CEP128: variants seen among roughly 807,000 people sequenced by gnomAD.
CEP128 encodes the protein centrosomal protein 128kDa.
CEP128 carries 132 observed loss-of-function variants against 156.7 expected under a neutral mutation model. The observed-to-expected ratio is 0.84, with a 90% confidence interval of 0.73 to 0.97. The LOEUF is 0.97. Ranked by LOEUF, CEP128 falls within the 50% of genes least tolerant of loss-of-function variation. The probability of loss-of-function intolerance (pLI) is 0.00; values close to 1 mark genes in which losing one functional copy is unlikely to be tolerated. For synonymous variants in CEP128, 469 were observed against 448.9 expected (o/e 1.04, Z -0.57); for missense variants, 1,252 against 1,281.9 (o/e 0.98, Z 0.36).
intron 2 of CEP128, among the ~76,000 whole-genome samples, chr14:80,934,730 G>C (rs907414780): frequency 5.3e-5 from 8 of 152,104 alleles, no homozygotes; most frequent in Non-Finnish European, 1.0e-4. Flanking sequence ...AGAAAAGCCT[G>C]GATTCAAACC....
In CEP128 at chr14:80,804,515, T is replaced by C. The variant is rs535207871; in HGVS notation, c.1210-11405A>G. ...TAATACTGACCCTATGAACAAAAAT[T>C]AAACTAATCCCTGTCCAAAATATGA... On this transcript the variant is annotated intron_variant, in intron 13 of 24. Coordinates refer to ENST00000555265, the MANE Select transcript of CEP128 (RefSeq NM_152446.5). Among the ~76,000 whole-genome samples, 5 of 152,202 alleles carry C rather than the reference T, an allele frequency of 3.3e-5. No homozygotes were observed. The South Asian group carries it at 1.0e-3, about 32-fold the overall frequency.
chr14:80,757,928 T>C (rs1171701756), intron 17 of CEP128, among the ~76,000 whole-genome samples: 1 of 152,192 alleles, frequency 6.6e-6, no homozygotes, highest in East Asian at 1.9e-4. Flanking sequence ...AATTCTCATA[T>C]CCTCCCTGCC....
At chr14:80,741,996 C>CAAATGT (rs1898856500) in intron 19 of CEP128, among the ~76,000 whole-genome samples, 1 of 152,110 alleles carries the variant, frequency 6.6e-6, no homozygotes, top group African/African-American at 2.4e-5. Context: ...CCCACAGGGA[C>CAAATGT]CTCAGCAGAA....
chr14:80,793,166 T>C (rs899431188), intron 13 of CEP128, 56 bp from the exon 14 acceptor site: 3 of 1,323,174 alleles, frequency 2.3e-6, no homozygotes, highest in Non-Finnish European at 3.2e-6. Flanking sequence ...ATTGGATGTG[T>C]AGCATATCAT....
At position 80,628,198 on chromosome 14, in the gene CEP128, T is replaced by C. The variant is rs1424518982; in HGVS notation, c.2807-47775A>G. On this transcript the variant is annotated intron_variant, in intron 19 of 24. Coordinates refer to ENST00000555265, the MANE Select transcript of CEP128 (RefSeq NM_152446.5). The stretch of plus-strand genomic sequence containing the variant: ...TTTCAGACATGTGCTTGAAGTTTTA[T>C]TTAGAAACACAGACTAATGCATCTG... Among the ~76,000 whole-genome samples the C allele has an allele frequency of 4.6e-5, 7 of 152,226 alleles. No homozygotes were observed. The East Asian group carries it at 1.3e-3, about 29-fold the overall frequency.
At chr14:80,699,661 A>G (rs998178938) in intron 19 of CEP128, among the ~76,000 whole-genome samples, 5 of 2,994 alleles carry the variant, frequency 1.7e-3, no homozygotes, top group African/African-American at 4.5e-3. Context: ...GAGAGATTAA[A>G]CCTATTAAAC....
At chr14:80,917,083 G>T (rs7144634) in intron 2 of CEP128, among the ~76,000 whole-genome samples, 7,422 of 152,182 alleles carry the variant, frequency 0.049, 216 homozygotes, top group Middle Eastern at 0.078. Flanking sequence ...AAATAGAGTA[G>T]AATTAAACAA....
At chr14:80,558,593 T>C (rs1384175905) in intron 21 of CEP128, among the ~76,000 whole-genome samples, 1 of 152,066 alleles carries the variant, frequency 6.6e-6, no homozygotes, top group East Asian at 1.9e-4. Context: ...TGGCCAATTT[T>C]TGTATTTTTA....
intron 13 of CEP128, among the ~76,000 whole-genome samples, chr14:80,818,263 C>T (rs762575711): frequency 1.2e-4 from 18 of 152,204 alleles, no homozygotes; most frequent in Non-Finnish European, 2.1e-4. Flanking sequence ...AAGCGATCCT[C>T]CCACCTCCAC....
chr14:80,765,704 G>A (rs1900203487), intron 16 of CEP128, among the ~76,000 whole-genome samples: 1 of 152,132 alleles, frequency 6.6e-6, no homozygotes, highest in Non-Finnish European at 1.5e-5. Flanking sequence ...GATCCAAGAA[G>A]AAAGATATCC....
At chr14:80,908,264 T>C (rs1208276906) in intron 4 of CEP128, among the ~76,000 whole-genome samples, 5 of 152,180 alleles carry the variant, frequency 3.3e-5, no homozygotes, top group African/African-American at 1.2e-4. Flanking sequence ...TTTTCAAACA[T>C]TGTTTTTGCC....
At chr14:80,580,321 G>T in intron 20 of CEP128, 53 bp downstream of exon 20, 1 of 1,177,638 alleles carries the variant, frequency 8.5e-7, no homozygotes, top group Non-Finnish European at 1.3e-6. Flanking sequence ...GGATAAAAGA[G>T]TAAAAAACAA....
At chr14:80,511,716 G>A (rs1437695487) in intron 23 of CEP128, among the ~76,000 whole-genome samples, 1 of 151,764 alleles carries the variant, frequency 6.6e-6, no homozygotes, top group African/African-American at 2.4e-5. Context: ...CTTTTTTGAT[G>A]TAGGCATTTA....
intron 21 of CEP128, among the ~76,000 whole-genome samples, chr14:80,536,452 A>G (rs1433892959): frequency 6.6e-6 from 1 of 152,218 alleles, no homozygotes; most frequent in African/African-American, 2.4e-5. Flanking sequence ...CACTGCACAC[A>G]TGTTAAATAA....
At chr14:80,783,359 C>T (rs1282398440) in intron 15 of CEP128, among the ~76,000 whole-genome samples, 1 of 152,118 alleles carries the variant, frequency 6.6e-6, no homozygotes, top group African/African-American at 2.4e-5. Flanking sequence ...AGTTCAAATC[C>T]TTTCCCTACC....
intron 18 of CEP128, 115 bp downstream of exon 18, chr14:80,756,777 T>A: frequency 1.5e-6 from 1 of 673,888 alleles, no homozygotes; most frequent in Non-Finnish European, 2.6e-6. Flanking sequence ...TCCCCTGCAA[T>A]TAAGCATTAT....
At chr14:80,764,669 G>C (rs1900151647) in intron 16 of CEP128, among the ~76,000 whole-genome samples, 1 of 152,120 alleles carries the variant, frequency 6.6e-6, no homozygotes, top group African/African-American at 2.4e-5. Flanking sequence ...GCTCCTTCAG[G>C]ATTCCCTTAT....
Position 80,537,196 on chromosome 14 carries a change from T to C in CEP128, c.2881-6310A>G, listed in dbSNP as rs1166460161. Among the ~76,000 whole-genome samples the C allele has an allele frequency of 2.6e-5, 4 of 152,314 alleles. No homozygotes were observed. In the East Asian group the frequency reaches 5.8e-4, roughly 22 times the overall value. ...GTATTTTTTTTTAAGAGAGGAACTA[T>C]ATGAAATACAGAATCTGCCATTTCA... On this transcript the variant is annotated intron_variant, in intron 21 of 24. Coordinates refer to ENST00000555265, the MANE Select transcript of CEP128 (RefSeq NM_152446.5).
chr14:80,937,860 T>C (rs1187079452), intron 2 of CEP128, among the ~76,000 whole-genome samples: 7 of 151,966 alleles, frequency 4.6e-5, no homozygotes. Flanking sequence ...ATTATCCCAA[T>C]AGGTCCCCCA....
Sources: allele counts gnomAD v4.1 joint callset (sites outside exome capture counted in the v4.1 genomes callset), GRCh38; gene constraint gnomAD v4.1.1; transcripts MANE v1.5; gene names NCBI Gene and HGNC (gene_info 2026-07-23, HGNC 2026-07-21).